TCF4: variants seen among roughly 807,000 people sequenced by gnomAD.
TCF4 encodes transcription factor 4.
Under a neutral mutation model 82.1 loss-of-function variants are expected in TCF4, and 3 were observed. The observed-to-expected ratio is 0.04, with a 90% CI of 0.02 to 0.09. The LOEUF (loss-of-function observed/expected upper bound fraction) is 0.09, where lower values mean the gene tolerates loss of function less well. TCF4 is among the 10% of genes least tolerant of loss of function. The pLI, the probability that TCF4 is intolerant of heterozygous loss-of-function variation, is 1.00. For synonymous variants in TCF4, 276 were observed against 309.6 expected, an observed-to-expected ratio of 0.89 and a Z score of 1.14; for missense variants, 518 against 852.7, an observed-to-expected ratio of 0.61 and a Z score of 4.89.
chr18:55,631,394 G>T (rs2097731481), intron 1 of TCF4: 3 of 1,546,778 alleles, frequency 1.9e-6, no homozygotes, highest in Non-Finnish European at 2.6e-6. Context: ...ATTTGCTGCA[G>T]GGTGGAGAAA....
At chr18:55,401,140 G>A in intron 6 of TCF4, 1 of 1,286,138 alleles carries the variant, frequency 7.8e-7, no homozygotes, top group Non-Finnish European at 1.0e-6. Flanking sequence ...CGGCACAAGA[G>A]AAACTGATTC....
intron 3 of TCF4, among the ~76,000 whole-genome samples, chr18:55,583,435 AT>A (rs2097597932): frequency 6.6e-6 from 1 of 152,176 alleles, no homozygotes; most frequent in Non-Finnish European, 1.5e-5. Flanking sequence ...ATTAATACAT[AT>A]TCAACTTATT....
At chr18:55,384,389 T>C (rs1478808469) in intron 6 of TCF4, among the ~76,000 whole-genome samples, 1 of 152,158 alleles carries the variant, frequency 6.6e-6, no homozygotes, top group East Asian at 1.9e-4. Context: ...CACCAGCACA[T>C]GAGGTGACAG....
intron 8 of TCF4, among the ~76,000 whole-genome samples, chr18:55,335,415 C>G (rs1278770384): frequency 6.6e-6 from 1 of 152,074 alleles, no homozygotes; most frequent in Non-Finnish European, 1.5e-5. Context: ...GGTAGGTGAC[C>G]AGGAGACATT....
chr18:55,586,267 TTG>T (rs940822647), intron 2 of TCF4: 5 of 893,242 alleles, frequency 5.6e-6, no homozygotes, highest in Admixed American at 2.2e-5. Context: ...TGGATTTTAT[TTG>T]TGTGTTTTGT....
intron 8 of TCF4, among the ~76,000 whole-genome samples, chr18:55,318,056 C>A (rs1012291842): frequency 6.6e-6 from 1 of 152,092 alleles, no homozygotes; most frequent in African/African-American, 2.4e-5. Context: ...AGGTTTCTCT[C>A]TACGGTTTAA....
chr18:55,242,970 A>G (rs1419635985), intron 15 of TCF4, among the ~76,000 whole-genome samples: 1 of 152,188 alleles, frequency 6.6e-6, no homozygotes, highest in East Asian at 1.9e-4. Flanking sequence ...GATGAATGTC[A>G]TAAAGGAGTA....
chr18:55,466,633 A>C (rs1054869860), intron 3 of TCF4, among the ~76,000 whole-genome samples: 10 of 152,044 alleles, frequency 6.6e-5, no homozygotes, highest in Non-Finnish European at 1.5e-4. Flanking sequence ...TTTAGTAAGA[A>C]CTCTTATTAA....
At chr18:55,278,108 A>C (rs2146222197) in intron 9 of TCF4, among the ~76,000 whole-genome samples, 1 of 152,270 alleles carries the variant, frequency 6.6e-6, no homozygotes, top group South Asian at 2.1e-4. Context: ...TTTCCATGGA[A>C]TTTCACACGT....
chr18:55,430,026 A>T (rs2095137304), intron 5 of TCF4, among the ~76,000 whole-genome samples: 1 of 152,140 alleles, frequency 6.6e-6, no homozygotes, highest in East Asian at 1.9e-4. Context: ...GACAGAGGAA[A>T]CTAGACATGT....
chr18:55,338,888 A>ACC (rs1223332175), intron 8 of TCF4, among the ~76,000 whole-genome samples: 5 of 152,194 alleles, frequency 3.3e-5, no homozygotes, highest in Non-Finnish European at 7.3e-5. Flanking sequence ...GTCTGAGAGT[A>ACC]CCCTGGGCAT....
chr18:55,629,476 G>C (rs2097729592), intron 2 of TCF4, among the ~76,000 whole-genome samples: 1 of 152,192 alleles, frequency 6.6e-6, no homozygotes, highest in South Asian at 2.1e-4. Flanking sequence ...ATGTTTGACA[G>C]CCTCTTCCTG....
At chr18:55,612,861 T>A (rs888130092) in intron 2 of TCF4, among the ~76,000 whole-genome samples, 15 of 152,116 alleles carry the variant, frequency 9.9e-5, no homozygotes, top group African/African-American at 3.6e-4. Flanking sequence ...GGCACGAGAA[T>A]CGCTTGAATT....
chr18:55,599,769 CTG>C (rs1379143839), intron 2 of TCF4, among the ~76,000 whole-genome samples: 1 of 152,146 alleles, frequency 6.6e-6, no homozygotes, highest in Admixed American at 6.5e-5. Context: ...AAGTGAAAAA[CTG>C]TACAGCTCGA....
intron 14 of TCF4, among the ~76,000 whole-genome samples, chr18:55,256,245 G>A (rs1184797187): frequency 6.6e-6 from 1 of 152,148 alleles, no homozygotes; most frequent in Admixed American, 6.6e-5. Flanking sequence ...CAGAATGGAA[G>A]CTGTGGCCCA....
At chr18:55,257,160 T>C (rs1314654106) in intron 14 of TCF4, among the ~76,000 whole-genome samples, 155 bp downstream of exon 14, 1 of 152,094 alleles carries the variant, frequency 6.6e-6, no homozygotes, top group Non-Finnish European at 1.5e-5. Flanking sequence ...GGAGCAAGCA[T>C]AGGCTAATGA....
chr18:55,340,462 T>C (rs1366612919), intron 8 of TCF4, among the ~76,000 whole-genome samples: 2 of 151,512 alleles, frequency 1.3e-5, no homozygotes, highest in Non-Finnish European at 2.9e-5. Context: ...TGTGAACCTG[T>C]GTACCCAGCT....
At chr18:55,620,451 T>A (rs1422436508) in intron 2 of TCF4, among the ~76,000 whole-genome samples, 1 of 152,186 alleles carries the variant, frequency 6.6e-6, no homozygotes, top group Non-Finnish European at 1.5e-5. Flanking sequence ...GTGAGAGTAC[T>A]GAGTAATGTT....
In TCF4 at chr18:55,324,921, T is replaced by C. The variant is rs76547671; in HGVS notation, c.549+25438A>G. Among the ~76,000 whole-genome samples the C allele has an allele frequency of 5.4e-3, 822 of 152,318 alleles. 9 individuals are homozygous for C. Among genetic ancestry groups the C allele is most frequent in the African/African-American group, 0.018 (758 of 41,572 alleles). ...AACCCACACGATTCTTATTTTCTTC[T>C]AGAATCTAAAGTTTACAGTTCTTTT... On this transcript the variant is annotated intron_variant, in intron 8 of 19. Coordinates refer to ENST00000354452, the MANE Select transcript of TCF4 (RefSeq NM_001083962.2).
Sources: gnomAD v4.1 joint callset for allele counts (sites outside exome capture counted in the v4.1 genomes callset) on GRCh38, gnomAD v4.1.1 for gene constraint, MANE v1.5 for transcripts, NCBI Gene and HGNC (gene_info 2026-07-23, HGNC 2026-07-21) for gene names.